RBFOX1: variants seen among roughly 807,000 people sequenced by gnomAD.
RBFOX1 encodes the protein RNA binding protein fox-1 homolog 1.
In RBFOX1, 8 loss-of-function variants were observed where a neutral mutation model predicts 57.7. The ratio of observed to expected loss-of-function variants is 0.14; its 90% confidence interval spans 0.08 to 0.25. The LOEUF (loss-of-function observed/expected upper bound fraction) is 0.25, where lower values mean the gene tolerates loss of function less well. Among genes scored for constraint, RBFOX1 ranks in the 10% least tolerant of loss-of-function variants. RBFOX1 has a pLI of 1.00. For missense variants in RBFOX1, 611 were observed against 548.5 expected, an observed-to-expected ratio of 1.11 and a Z score of -1.14; for synonymous variants, 326 against 222.4, an observed-to-expected ratio of 1.47 and a Z score of -4.15.
At position 5,892,139 on chromosome 16, in the gene RBFOX1, G is replaced by C. The variant is rs544022563; in HGVS notation, c.351+24804G>C. Among the ~76,000 whole-genome samples, 84 of 152,336 alleles carry C rather than the reference G, an allele frequency of 5.5e-4. 1 individual carries two copies. Among genetic ancestry groups the C allele is most frequent in the African/African-American group, 2.0e-3 (82 of 41,568 alleles). Reference sequence around the variant, plus strand: ...GGATGGATTACACAGGATGTTGAAAGTTAATGCATGGAACGGTGCAGAGAA... The same window carrying C: ...GGATGGATTACACAGGATGTTGAAACTTAATGCATGGAACGGTGCAGAGAA... On this transcript the variant is annotated intron_variant, in intron 4 of 19. Transcript: ENST00000641259.
At chr16:7,675,544 G>C (rs565654975) in intron 13 of RBFOX1, among the ~76,000 whole-genome samples, 156 of 152,284 alleles carry the variant, frequency 1.0e-3, no homozygotes, top group African/African-American at 3.4e-3. Flanking sequence ...GCAAATGATA[G>C]CATATTTACT....
At chr16:6,653,057 T>C (rs1464900859) in intron 2 of RBFOX1, among the ~76,000 whole-genome samples, 1 of 152,172 alleles carries the variant, frequency 6.6e-6, no homozygotes, top group Non-Finnish European at 1.5e-5. Flanking sequence ...TGCTTGGCTC[T>C]TTCCAGTGCA....
At chr16:7,036,694 AAAAC>A (rs757116687) in intron 3 of RBFOX1, among the ~76,000 whole-genome samples, 1,598 of 150,584 alleles carry the variant, frequency 0.011, 11 homozygotes, top group Middle Eastern at 0.017. Context: ...CTCCGTCTCA[AAAAC>A]AAACAAACAA....
At chr16:6,193,150 G>C (rs532586309) in intron 1 of RBFOX1, among the ~76,000 whole-genome samples, 1 of 151,740 alleles carries the variant, frequency 6.6e-6, no homozygotes, top group Admixed American at 6.6e-5. Context: ...GTGAGGCAAT[G>C]TGTTCATCCT....
At chr16:7,122,571 T>C (rs1160629637) in intron 4 of RBFOX1, among the ~76,000 whole-genome samples, 1 of 152,136 alleles carries the variant, frequency 6.6e-6, no homozygotes, top group Non-Finnish European at 1.5e-5. Context: ...TGACAAGACT[T>C]AGTGCTGTGG....
chr16:6,868,670 C>G (rs554222753), intron 3 of RBFOX1, among the ~76,000 whole-genome samples: 4 of 152,288 alleles, frequency 2.6e-5, no homozygotes, highest in African/African-American at 9.6e-5. Flanking sequence ...TAGGGTTTCA[C>G]CATGTTGGCC....
chr16:6,461,055 A>G (rs1483655845), intron 2 of RBFOX1, among the ~76,000 whole-genome samples: 1 of 152,140 alleles, frequency 6.6e-6, no homozygotes, highest in Non-Finnish European at 1.5e-5. Context: ...CTGAACAATG[A>G]GAACAGATAG....
chr16:5,299,210 T>G (rs559700069), intron 1 of RBFOX1, among the ~76,000 whole-genome samples: 1 of 152,258 alleles, frequency 6.6e-6, no homozygotes, highest in African/African-American at 2.4e-5. Context: ...CTGGCTTTTT[T>G]TTTTGCTCAA....
At chr16:7,673,218 T>C (rs2072154956) in intron 13 of RBFOX1, among the ~76,000 whole-genome samples, 1 of 152,176 alleles carries the variant, frequency 6.6e-6, no homozygotes. Context: ...AAAAGTGATC[T>C]AAAGTGAAAA....
intron 3 of RBFOX1, among the ~76,000 whole-genome samples, chr16:6,886,711 C>A (rs930667425): frequency 6.7e-6 from 1 of 150,372 alleles, no homozygotes; most frequent in Non-Finnish European, 1.5e-5. Flanking sequence ...ACTGAGATCG[C>A]ACCACCGCAC....
At chr16:6,424,953 G>C (rs556615581) in intron 2 of RBFOX1, among the ~76,000 whole-genome samples, 1 of 151,988 alleles carries the variant, frequency 6.6e-6, no homozygotes, top group East Asian at 1.9e-4. Flanking sequence ...CATCTAAGTC[G>C]ACATACCAAA....
At chr16:7,486,646 A>G (rs1599700429) in intron 4 of RBFOX1, among the ~76,000 whole-genome samples, 1 of 151,992 alleles carries the variant, frequency 6.6e-6, no homozygotes, top group African/African-American at 2.4e-5. Flanking sequence ...ATTTAATGGC[A>G]CCCAGGCTTG....
intron 1 of RBFOX1, among the ~76,000 whole-genome samples, chr16:6,201,383 G>C (rs546639055): frequency 2.6e-5 from 4 of 152,106 alleles, no homozygotes; most frequent in African/African-American, 9.7e-5. Flanking sequence ...CCTCCATACT[G>C]TTCCCCAGAG....
chr16:5,330,359 C>A (rs982958806), intron 1 of RBFOX1, among the ~76,000 whole-genome samples: 2 of 151,726 alleles, frequency 1.3e-5, no homozygotes, highest in Non-Finnish European at 2.9e-5. Flanking sequence ...TTGGTTTATC[C>A]CCTCTTGCTT....
At chr16:7,014,604 T>G (rs565242358) in intron 3 of RBFOX1, among the ~76,000 whole-genome samples, 3 of 152,220 alleles carry the variant, frequency 2.0e-5, no homozygotes, top group Non-Finnish European at 2.9e-5. Context: ...TAACTGTCTT[T>G]GCAAAAATAC....
intron 5 of RBFOX1, among the ~76,000 whole-genome samples, chr16:7,549,800 C>A (rs1490380685): frequency 6.6e-6 from 1 of 152,192 alleles, no homozygotes; most frequent in Non-Finnish European, 1.5e-5. Context: ...GTCTGCCTTT[C>A]CCAGTCCACT....
intron 2 of RBFOX1, among the ~76,000 whole-genome samples, chr16:6,514,191 C>G (rs1289612003): frequency 2.6e-5 from 4 of 152,150 alleles, no homozygotes; most frequent in Non-Finnish European, 5.9e-5. Flanking sequence ...AAAGGCTTAT[C>G]TCCCATCCTT....
chr16:5,247,066 C>T (rs965272098), intron 1 of RBFOX1, among the ~76,000 whole-genome samples: 5 of 152,196 alleles, frequency 3.3e-5, no homozygotes, highest in Non-Finnish European at 7.3e-5. Context: ...ATCCTCCAGG[C>T]TCATCCATGT....
At chr16:7,080,141 A>G (rs2058971245) in intron 4 of RBFOX1, among the ~76,000 whole-genome samples, 1 of 150,550 alleles carries the variant, frequency 6.6e-6, no homozygotes. Flanking sequence ...ACTTTACTAT[A>G]TCAATATTAT....
Sources: gnomAD v4.1 joint callset for allele counts (sites outside exome capture counted in the v4.1 genomes callset) on GRCh38, gnomAD v4.1.1 for gene constraint, MANE v1.5 for transcripts, NCBI Gene and HGNC (gene_info 2026-07-23, HGNC 2026-07-21) for gene names.